SNX9: variants seen among roughly 807,000 people sequenced by gnomAD.
The protein encoded by SNX9 is sorting nexin-9.
SNX9 carries 44 observed loss-of-function variants against 89.4 expected under a neutral mutation model. The observed-to-expected ratio is 0.49, with a 90% confidence interval of 0.39 to 0.63. The LOEUF (loss-of-function observed/expected upper bound fraction) is 0.63. Ranked by LOEUF, SNX9 falls within the 30% of genes least tolerant of loss-of-function variation. The pLI, the probability that SNX9 is intolerant of heterozygous loss-of-function variation, is 0.00. For synonymous variants in SNX9, 236 were observed against 247.8 expected (o/e 0.95, Z 0.45); for missense variants, 578 against 736.1 (o/e 0.79, Z 2.49).
chr6:157,904,564 T>C (rs527768759), intron 6 of SNX9, among the ~76,000 whole-genome samples: 106 of 152,050 alleles, frequency 7.0e-4, no homozygotes, highest in African/African-American at 2.5e-3. Context: ...TGTCATGATA[T>C]ATAATCCCCA....
chr6:157,925,575 T>C (rs1170107024), intron 10 of SNX9, among the ~76,000 whole-genome samples: 8 of 152,018 alleles, frequency 5.3e-5, no homozygotes, highest in African/African-American at 1.5e-4. Context: ...AGTAGTAGAA[T>C]AGATAAATAA....
intron 1 of SNX9, among the ~76,000 whole-genome samples, chr6:157,856,327 A>G (rs1271459365): frequency 6.6e-6 from 1 of 152,232 alleles, no homozygotes; most frequent in Admixed American, 6.5e-5. Context: ...ACCTTTGGCA[A>G]CTAACCAGCT....
chr6:157,904,280 T>C (rs1783164489), intron 6 of SNX9, among the ~76,000 whole-genome samples: 1 of 151,880 alleles, frequency 6.6e-6, no homozygotes, highest in Non-Finnish European at 1.5e-5. Context: ...ACCAAAAATA[T>C]AAAAAAGTAG....
intron 1 of SNX9, among the ~76,000 whole-genome samples, chr6:157,843,633 CTTATT>C (rs1247083146): frequency 6.6e-6 from 1 of 152,094 alleles, no homozygotes; most frequent in Admixed American, 6.5e-5. Flanking sequence ...TACTGATTAT[CTTATT>C]TTAACTTAAA....
intron 4 of SNX9, among the ~76,000 whole-genome samples, chr6:157,891,284 C>T (rs1782854715): frequency 6.6e-6 from 1 of 152,080 alleles, no homozygotes; most frequent in Admixed American, 6.6e-5. Context: ...CTGCCTCAGC[C>T]TCCCAAAATG....
chr6:157,860,068 A>C (rs1782088018), intron 1 of SNX9, among the ~76,000 whole-genome samples: 1 of 152,198 alleles, frequency 6.6e-6, no homozygotes, highest in African/African-American at 2.4e-5. Context: ...GCAGAGACAG[A>C]CTGAATGGCC....
In SNX9 at chr6:157,835,298, TC is replaced by T. The variant is rs536648150; in HGVS notation, c.12+11853del. ...AAAGTGCTGGGATTACAGGCGTGAG[TC>T]ACCATGCCCAGCCAAGATTTTTAAA... On this transcript the variant is annotated intron_variant, in intron 1 of 17. Transcript: ENST00000392185. Among the ~76,000 whole-genome samples the T allele has an allele frequency of 1.8e-4, 27 of 152,062 alleles. No homozygotes were observed. The South Asian group carries it at 5.6e-3, about 32-fold the overall frequency.
chr6:157,882,715 A>AGT (rs1782651787), intron 4 of SNX9, among the ~76,000 whole-genome samples: 1 of 152,230 alleles, frequency 6.6e-6, no homozygotes, highest in Non-Finnish European at 1.5e-5. Flanking sequence ...TAGAATTAGA[A>AGT]GTGGAGCCTG....
At position 157,830,337 on chromosome 6, in the gene SNX9, A is replaced by G. The variant is rs185924664; in HGVS notation, c.12+6891A>G. On this transcript the variant is annotated intron_variant, in intron 1 of 17. Transcript: ENST00000392185. ...CTTGAAAGAGTTCTAGGTTGACAGC[A>G]TTTTCTCCTAGTACAATGAAGGTAT... is the stretch of plus-strand genomic sequence containing the variant. 5.3e-5 allele frequency: 8 copies of G among 152,220 alleles called. No individual in the cohort carries two copies. In the East Asian group the frequency reaches 1.5e-3, roughly 29 times the overall value. The allele number at this position is 152,220 out of a possible 1,614,324, so 9.4% of individuals were successfully genotyped here. A position where few individuals can be genotyped will look rare whatever the true frequency, so the allele number is the denominator to read the frequency against.
At chr6:157,841,058 G>T (rs765338832) in intron 1 of SNX9, among the ~76,000 whole-genome samples, 24 of 152,166 alleles carry the variant, frequency 1.6e-4, no homozygotes, top group Middle Eastern at 3.2e-3. Flanking sequence ...ACTTCCTGAA[G>T]CCCCAGCAGT....
At chr6:157,889,439 A>G (rs952757452) in intron 4 of SNX9, among the ~76,000 whole-genome samples, 5 of 151,618 alleles carry the variant, frequency 3.3e-5, no homozygotes, top group Non-Finnish European at 7.4e-5. Context: ...TCAAAAAAAA[A>G]AAAAAAAAAA....
chr6:157,915,180 C>T (rs1324734258), intron 9 of SNX9, among the ~76,000 whole-genome samples: 2 of 152,198 alleles, frequency 1.3e-5, no homozygotes, highest in African/African-American at 4.8e-5. Flanking sequence ...TAGTCCTACA[C>T]TGTCTTGACT....
At chr6:157,869,160 C>T (rs901105990) in intron 2 of SNX9, among the ~76,000 whole-genome samples, 1 of 152,214 alleles carries the variant, frequency 6.6e-6, no homozygotes, top group African/African-American at 2.4e-5. Flanking sequence ...CACCTCTCCC[C>T]GGCCTCACTG....
intron 1 of SNX9, among the ~76,000 whole-genome samples, chr6:157,845,465 G>A (rs1781790575): frequency 6.6e-6 from 1 of 152,064 alleles, no homozygotes. Flanking sequence ...AAACTTTTTA[G>A]CCATCTACTT....
intron 12 of SNX9, among the ~76,000 whole-genome samples, chr6:157,930,229 T>C (rs1243488195): frequency 6.6e-6 from 1 of 152,232 alleles, no homozygotes; most frequent in Non-Finnish European, 1.5e-5. Context: ...AAACAACTTG[T>C]AGCATACCAG....
chr6:157,909,314 T>A (rs1272126019), intron 7 of SNX9, among the ~76,000 whole-genome samples: 1 of 152,224 alleles, frequency 6.6e-6, no homozygotes, highest in African/African-American at 2.4e-5. Context: ...TGTGATAGAT[T>A]CGAAATTTTT....
chr6:157,859,300 T>G (rs1269755992), intron 1 of SNX9, among the ~76,000 whole-genome samples: 1 of 152,256 alleles, frequency 6.6e-6, no homozygotes, highest in African/African-American at 2.4e-5. Context: ...TGTTTCTTTA[T>G]GGAAATACTG....
chr6:157,878,122 T>A (rs1172786433), intron 4 of SNX9, among the ~76,000 whole-genome samples: 1 of 152,210 alleles, frequency 6.6e-6, no homozygotes, highest in Non-Finnish European at 1.5e-5. Flanking sequence ...CCTTTGGTTC[T>A]AGATTCTTAC....
chr6:157,934,012 G>T (rs1783870880), intron 13 of SNX9, among the ~76,000 whole-genome samples: 1 of 152,168 alleles, frequency 6.6e-6, no homozygotes, highest in Admixed American at 6.5e-5. Context: ...CATTACAAAG[G>T]ACAGTGAAGG....
Sources: gnomAD v4.1 joint callset for allele counts (sites outside exome capture counted in the v4.1 genomes callset) on GRCh38, gnomAD v4.1.1 for gene constraint, MANE v1.5 for transcripts, NCBI Gene and HGNC (gene_info 2026-07-23, HGNC 2026-07-21) for gene names.